SPAG16: variants seen among roughly 807,000 people sequenced by gnomAD.
The protein encoded by SPAG16 is sperm associated antigen 16, also known as sperm-associated antigen 16 protein.
Under a neutral mutation model 80.4 loss-of-function variants are expected in SPAG16, and 86 were observed. That is an observed-to-expected ratio of 1.07 (90% CI 0.90 to 1.28). The LOEUF is 1.28. Ranked by LOEUF, SPAG16 falls within the 50% of genes most tolerant of loss-of-function variation. The probability of loss-of-function intolerance (pLI) is 0.00; values close to 1 mark genes in which losing one functional copy is unlikely to be tolerated. For synonymous variants in SPAG16, 294 were observed against 265.9 expected (o/e 1.11, Z -1.03); for missense variants, 870 against 765.3 (o/e 1.14, Z -1.61).
At chr2:214,133,155 G>A (rs1393627161) in intron 14 of SPAG16, among the ~76,000 whole-genome samples, 1 of 150,978 alleles carries the variant, frequency 6.6e-6, no homozygotes, top group Admixed American at 6.6e-5. Flanking sequence ...CATTAGCATA[G>A]AGCAAGGTTT....
intron 10 of SPAG16, among the ~76,000 whole-genome samples, chr2:213,602,012 C>T (rs1490368625): frequency 6.6e-6 from 1 of 152,186 alleles, no homozygotes; most frequent in Admixed American, 6.5e-5. Flanking sequence ...GTGCAGTTCA[C>T]AAAAAGGTTT....
At chr2:213,291,580 G>T (rs2062275791) in intron 1 of SPAG16, among the ~76,000 whole-genome samples, 1 of 151,868 alleles carries the variant, frequency 6.6e-6, no homozygotes, top group Non-Finnish European at 1.5e-5. Flanking sequence ...CTTTCCTCTG[G>T]GGGTCTTCAA....
At chr2:213,392,977 A>AACATATTTAT (rs1429070379) in intron 9 of SPAG16, among the ~76,000 whole-genome samples, 1 of 152,150 alleles carries the variant, frequency 6.6e-6, no homozygotes, top group East Asian at 1.9e-4. Context: ...GAATTAAGCC[A>AACATATTTAT]ACATATTTAT....
At chr2:214,119,596 C>A (rs1344848321) in intron 14 of SPAG16, among the ~76,000 whole-genome samples, 1 of 152,078 alleles carries the variant, frequency 6.6e-6, no homozygotes, top group Non-Finnish European at 1.5e-5. Context: ...TCTTGCTGGA[C>A]TTTTCCATTT....
At chr2:214,391,205 T>C (rs189774414) in intron 15 of SPAG16, among the ~76,000 whole-genome samples, 50 of 152,300 alleles carry the variant, frequency 3.3e-4, no homozygotes, top group African/African-American at 1.2e-3. Context: ...CCCTAAGCTT[T>C]GTAGCTTCAA....
At chr2:214,222,147 G>A (rs1482752074) in intron 15 of SPAG16, among the ~76,000 whole-genome samples, 5 of 102,350 alleles carry the variant, frequency 4.9e-5, no homozygotes, top group East Asian at 2.9e-4. Flanking sequence ...ACAGAGTTTC[G>A]CTCGTCTCAC....
chr2:213,774,998 A>C (rs1435331446), intron 10 of SPAG16, among the ~76,000 whole-genome samples: 1 of 152,132 alleles, frequency 6.6e-6, no homozygotes, highest in East Asian at 1.9e-4. Flanking sequence ...CTGTCTCGGC[A>C]CTACTGTATT....
At chr2:214,213,907 A>G (rs780535760) in intron 15 of SPAG16, among the ~76,000 whole-genome samples, 16 of 152,154 alleles carry the variant, frequency 1.1e-4, no homozygotes, top group Admixed American at 2.6e-4. Context: ...GTAAAATTGT[A>G]GATGAGTGTG....
At chr2:213,592,779 T>C (rs1357145624) in intron 10 of SPAG16, among the ~76,000 whole-genome samples, 2 of 152,228 alleles carry the variant, frequency 1.3e-5, no homozygotes. Context: ...CAATTTGACG[T>C]TGATGCAAAT....
intron 15 of SPAG16, among the ~76,000 whole-genome samples, chr2:214,243,511 GA>G (rs1159129278): frequency 2.0e-5 from 3 of 151,834 alleles, no homozygotes; most frequent in Admixed American, 1.3e-4. Context: ...AGTATAGTAT[GA>G]ATTATCTTTT....
chr2:214,373,775 A>G (rs1053951983), intron 15 of SPAG16, among the ~76,000 whole-genome samples: 1 of 152,314 alleles, frequency 6.6e-6, no homozygotes, highest in African/African-American at 2.4e-5. Context: ...TCTGCTTCCA[A>G]TGATGAATGG....
At chr2:213,371,396 C>CAAAAAAAAA (rs1161878780) in intron 8 of SPAG16, among the ~76,000 whole-genome samples, 5 of 47,294 alleles carry the variant, frequency 1.1e-4, no homozygotes, top group Admixed American at 3.4e-4. Flanking sequence ...GACCGTGTCT[C>CAAAAAAAAA]AAAAAAAAAA....
intron 15 of SPAG16, among the ~76,000 whole-genome samples, chr2:214,278,111 A>G (rs1345000329): frequency 1.3e-5 from 2 of 152,062 alleles, no homozygotes; most frequent in Non-Finnish European, 2.9e-5. Flanking sequence ...TGGGCGTGGG[A>G]CCCACCGAGC....
intron 9 of SPAG16, among the ~76,000 whole-genome samples, chr2:213,487,648 T>C (rs1258704145): frequency 6.6e-6 from 1 of 152,126 alleles, no homozygotes; most frequent in East Asian, 1.9e-4. Flanking sequence ...TTTACTATTT[T>C]ATTAGCTCTA....
intron 11 of SPAG16, among the ~76,000 whole-genome samples, chr2:213,887,009 AG>A (rs1293277310): frequency 6.6e-6 from 1 of 152,058 alleles, no homozygotes; most frequent in Non-Finnish European, 1.5e-5. Flanking sequence ...GTGAAATATA[AG>A]ATTTTTTTTC....
At chr2:214,293,148 C>A (rs192831889) in intron 15 of SPAG16, among the ~76,000 whole-genome samples, 1 of 152,184 alleles carries the variant, frequency 6.6e-6, no homozygotes, top group Admixed American at 6.5e-5. Flanking sequence ...AGATGGCTTT[C>A]TCAGATGCCA....
intron 13 of SPAG16, among the ~76,000 whole-genome samples, chr2:214,043,103 AT>A (rs2049123991): frequency 6.6e-6 from 1 of 151,826 alleles, no homozygotes; most frequent in East Asian, 1.9e-4. Context: ...CAGATCCTGT[AT>A]TTTCACCTTA....
At chr2:213,629,373 T>G (rs1407043845) in intron 10 of SPAG16, among the ~76,000 whole-genome samples, 3 of 152,198 alleles carry the variant, frequency 2.0e-5, no homozygotes, top group Non-Finnish European at 4.4e-5. Flanking sequence ...TAGCAACATT[T>G]AGGGAATTAA....
chr2:213,968,867 A>G (rs570399363), intron 12 of SPAG16, among the ~76,000 whole-genome samples: 1 of 152,220 alleles, frequency 6.6e-6, no homozygotes, highest in Non-Finnish European at 1.5e-5. Context: ...TGTACATAGC[A>G]CATATATATT....
Sources: allele counts gnomAD v4.1 joint callset (sites outside exome capture counted in the v4.1 genomes callset), GRCh38; gene constraint gnomAD v4.1.1; transcripts MANE v1.5; gene names NCBI Gene and HGNC (gene_info 2026-07-23, HGNC 2026-07-21).